Variants in PRKD1 observed in about 807,000 individuals in gnomAD.
PRKD1 encodes the protein serine/threonine-protein kinase D1.
Under a neutral mutation model 95.9 loss-of-function variants are expected in PRKD1, and 63 were observed. The observed-to-expected ratio is 0.66, with a 90% confidence interval of 0.54 to 0.81. PRKD1 has a LOEUF of 0.81. PRKD1 is among the 30% of genes least tolerant of loss of function. The probability of loss-of-function intolerance (pLI) is 0.00; values close to 1 mark genes in which losing one functional copy is unlikely to be tolerated. For missense variants in PRKD1, 1,048 were observed against 1,165.3 expected, an observed-to-expected ratio of 0.90 and a Z score of 1.47; for synonymous variants, 425 against 423.1, an observed-to-expected ratio of 1.00 and a Z score of -0.05.
At chr14:29,779,449 C>G (rs1234318392) in intron 1 of PRKD1, among the ~76,000 whole-genome samples, 1 of 152,120 alleles carries the variant, frequency 6.6e-6, no homozygotes, top group Non-Finnish European at 1.5e-5. Flanking sequence ...TCTCAGGATA[C>G]AAAATCAATG....
At chr14:29,867,403 G>C (rs1892947978) in intron 1 of PRKD1, among the ~76,000 whole-genome samples, 1 of 152,154 alleles carries the variant, frequency 6.6e-6, no homozygotes, top group South Asian at 2.1e-4. Context: ...ATCCTAGCAA[G>C]AGGAACAGCA....
intron 1 of PRKD1, among the ~76,000 whole-genome samples, chr14:29,734,028 C>CTTTTTTTTTTTTTTTTTTT (rs58908662): frequency 9.3e-5 from 6 of 64,670 alleles, no homozygotes; most frequent in African/African-American, 3.1e-4. Context: ...ACTTTCCTGC[C>CTTTTTTTTTTTTTTTTTTT]TTTTTTTTTT....
At chr14:29,648,936 G>A (rs1488708777) in intron 4 of PRKD1, among the ~76,000 whole-genome samples, 3 of 152,056 alleles carry the variant, frequency 2.0e-5, no homozygotes, top group Non-Finnish European at 4.4e-5. Context: ...TTACAGGCGT[G>A]AGCCACCATG....
chr14:29,700,970 G>C (rs1161092543), intron 2 of PRKD1, among the ~76,000 whole-genome samples: 1 of 36,978 alleles, frequency 2.7e-5, no homozygotes, highest in African/African-American at 3.6e-4. Context: ...GTGTACGCGT[G>C]CGCATGCGCG....
At chr14:29,824,215 G>A (rs1181052828) in intron 1 of PRKD1, among the ~76,000 whole-genome samples, 1 of 152,150 alleles carries the variant, frequency 6.6e-6, no homozygotes, top group East Asian at 1.9e-4. Flanking sequence ...AACAGCCTCT[G>A]TCACACTTGC....
At chr14:29,763,781 C>T (rs984984250) in intron 1 of PRKD1, among the ~76,000 whole-genome samples, 1 of 152,122 alleles carries the variant, frequency 6.6e-6, no homozygotes, top group Non-Finnish European at 1.5e-5. Flanking sequence ...GCAATTCTTT[C>T]TGCTCTCTCC....
intron 17 of PRKD1, 58 bp downstream of exon 17, chr14:29,578,217 A>G: frequency 7.8e-7 from 1 of 1,274,216 alleles, no homozygotes; most frequent in Non-Finnish European, 1.1e-6. Flanking sequence ...TAAATATCAA[A>G]ATCCTATAAA....
intron 1 of PRKD1, among the ~76,000 whole-genome samples, chr14:29,746,494 T>A (rs1428999708): frequency 1.3e-5 from 2 of 151,496 alleles, no homozygotes; most frequent in African/African-American, 2.4e-5. Flanking sequence ...TGTCTAAATA[T>A]CCTTCTATTA....
chr14:29,856,955 T>C (rs1892529497), intron 1 of PRKD1, among the ~76,000 whole-genome samples: 1 of 152,216 alleles, frequency 6.6e-6, no homozygotes, highest in Admixed American at 6.5e-5. Context: ...CACTTATTTC[T>C]GGGACAGTAG....
intron 4 of PRKD1, 34 bp from the exon 5 acceptor site, chr14:29,638,938 G>GT (rs1880571311): frequency 6.6e-7 from 1 of 1,514,822 alleles, no homozygotes; most frequent in South Asian, 1.1e-5. Flanking sequence ...GAAGCAAGAT[G>GT]TAAGAGGCTA....
intron 1 of PRKD1, among the ~76,000 whole-genome samples, chr14:29,811,404 T>G: frequency 6.6e-6 from 1 of 152,146 alleles, no homozygotes; most frequent in East Asian, 1.9e-4. Context: ...GACATCTCCC[T>G]TCCCACACAC....
intron 6 of PRKD1, among the ~76,000 whole-genome samples, chr14:29,637,080 G>A (rs189425330): frequency 6.6e-6 from 1 of 152,266 alleles, no homozygotes; most frequent in East Asian, 1.9e-4. Flanking sequence ...GCCAAAGCTG[G>A]GATAGAAGTA....
intron 1 of PRKD1, among the ~76,000 whole-genome samples, chr14:29,883,013 T>C (rs1893569241): frequency 6.6e-6 from 1 of 152,180 alleles, no homozygotes; most frequent in Admixed American, 6.5e-5. Flanking sequence ...GAAAAGAAGT[T>C]CTGCAGGCTA....
intron 16 of PRKD1, among the ~76,000 whole-genome samples, chr14:29,590,830 G>A (rs763117403): frequency 6.6e-6 from 1 of 151,814 alleles, no homozygotes; most frequent in Non-Finnish European, 1.5e-5. Flanking sequence ...TGGCTCTGTC[G>A]CCCAGGCTGG....
chr14:29,725,441 T>C lies in PRKD1; in HGVS notation c.403+95A>G, dbSNP rs1160132582. 4.2e-6 allele frequency: 6 copies of C among 1,429,772 alleles called. No homozygotes were observed. The East Asian group carries it at 6.9e-5, about 16-fold the overall frequency. The allele number at this position is 1,429,772 out of a possible 1,614,324, so 88.6% of individuals were successfully genotyped here. ...TCTTCTCTTGGAGCTGAGTTTGAGA[T>C]ATGCTTTTTATGTTTCCTTAAAAAC... is the stretch of plus-strand genomic sequence containing the variant. On this transcript the variant is annotated intron_variant, in intron 2 of 17. Transcript: ENST00000331968.
intron 2 of PRKD1, among the ~76,000 whole-genome samples, chr14:29,667,082 TA>T (rs1332725199): frequency 6.6e-6 from 1 of 152,190 alleles, no homozygotes; most frequent in Non-Finnish European, 1.5e-5. Flanking sequence ...GCTTTTTTCT[TA>T]GTGTCCTAAT....
chr14:29,734,011 G>C (rs1002459993), intron 1 of PRKD1, among the ~76,000 whole-genome samples: 4 of 130,312 alleles, frequency 3.1e-5, no homozygotes, highest in African/African-American at 9.1e-5. Context: ...TTCTGGTTTT[G>C]AGTCATACTT....
At chr14:29,749,715 GT>G (rs1887389773) in intron 1 of PRKD1, among the ~76,000 whole-genome samples, 1 of 152,128 alleles carries the variant, frequency 6.6e-6, no homozygotes, top group African/African-American at 2.4e-5. Context: ...TCACAGTAAA[GT>G]TTAATAAGTA....
chr14:29,911,463 A>C (rs1594622191), intron 1 of PRKD1, among the ~76,000 whole-genome samples: 1 of 152,370 alleles, frequency 6.6e-6, no homozygotes, highest in Non-Finnish European at 1.5e-5. Flanking sequence ...TCTTTTCTTC[A>C]CATAAAACTA....
Sources: allele counts gnomAD v4.1 joint callset (sites outside exome capture counted in the v4.1 genomes callset), GRCh38; gene constraint gnomAD v4.1.1; transcripts MANE v1.5; gene names NCBI Gene and HGNC (gene_info 2026-07-23, HGNC 2026-07-21).